The following FNDC3B variants were observed in gnomAD, a reference collection of about 807,000 sequenced individuals.
The protein encoded by FNDC3B is fibronectin type III domain-containing protein 3B.
Under a neutral mutation model 151.5 loss-of-function variants are expected in FNDC3B, and 12 were observed. The ratio of observed to expected loss-of-function variants is 0.08; its 90% confidence interval spans 0.05 to 0.13. The LOEUF (loss-of-function observed/expected upper bound fraction) is 0.13, where lower values mean the gene tolerates loss of function less well. Ranked by LOEUF, FNDC3B falls within the 10% of genes least tolerant of loss-of-function variation. FNDC3B has a pLI of 1.00. For missense variants in FNDC3B, 1,214 were observed against 1,505.3 expected (o/e 0.81, Z 3.20); for synonymous variants, 528 against 549.0 (o/e 0.96, Z 0.54).
chr3:172,313,693 C>T (rs560425002), intron 11 of FNDC3B, among the ~76,000 whole-genome samples: 13 of 152,294 alleles, frequency 8.5e-5, no homozygotes, highest in Non-Finnish European at 1.5e-4. Flanking sequence ...CCATATGCTT[C>T]TCAAATTGTT....
intron 1 of FNDC3B, among the ~76,000 whole-genome samples, chr3:172,057,487 A>G (rs1012178164): frequency 2.0e-5 from 3 of 152,156 alleles, no homozygotes; most frequent in African/African-American, 7.2e-5. Context: ...AACCTCACCA[A>G]CTTCTTGTAA....
chr3:172,336,922 AC>A (rs1024759850), intron 15 of FNDC3B, among the ~76,000 whole-genome samples: 1 of 151,888 alleles, frequency 6.6e-6, no homozygotes, highest in Non-Finnish European at 1.5e-5. Context: ...AAAAAAAAAA[AC>A]AAAAGAATCT....
rs940738536 is a variant in FNDC3B, at chr3:172,289,246, T to C, written c.849+3262T>C. Among the ~76,000 whole-genome samples, 9 of 152,134 alleles carry C rather than the reference T, an allele frequency of 5.9e-5. 1 individual carries two copies. The South Asian group carries it at 1.9e-3, about 31-fold the overall frequency. ...TTGTCTGCAAAGTCAGCAGCCATAT[T>C]CCCCCAGCTTCTGCTTCCATTCTCA... On this transcript the variant is annotated intron_variant, in intron 7 of 25. Transcript: ENST00000415807.
chr3:172,088,926 T>C (rs921235703), intron 1 of FNDC3B, among the ~76,000 whole-genome samples: 2 of 152,234 alleles, frequency 1.3e-5, no homozygotes, highest in Non-Finnish European at 2.9e-5. Context: ...TTTATTCAAC[T>C]GTAAGATTTT....
intron 25 of FNDC3B, among the ~76,000 whole-genome samples, chr3:172,383,487 A>T (rs1735557242): frequency 6.6e-6 from 1 of 152,194 alleles, no homozygotes; most frequent in Non-Finnish European, 1.5e-5. Flanking sequence ...GTTAAGGGAG[A>T]TGATGCATAG....
chr3:172,216,609 G>A (rs1725988060), intron 3 of FNDC3B, among the ~76,000 whole-genome samples: 1 of 152,212 alleles, frequency 6.6e-6, no homozygotes. Flanking sequence ...GGAGGTTGAG[G>A]CTGCGTTGAG....
At chr3:172,207,468 G>A (rs1017937597) in intron 3 of FNDC3B, among the ~76,000 whole-genome samples, 7 of 152,136 alleles carry the variant, frequency 4.6e-5, no homozygotes, top group Non-Finnish European at 1.0e-4. Flanking sequence ...CTGTGTTTCT[G>A]TTCTGTAGGT....
chr3:172,251,617 C>T (rs1038857092), intron 6 of FNDC3B, 76 bp downstream of exon 6: 2 of 1,346,718 alleles, frequency 1.5e-6, no homozygotes, highest in African/African-American at 2.9e-5. Context: ...ACATCTTTTA[C>T]ATGAGAATAT....
At chr3:172,281,877 A>G (rs974915656) in intron 6 of FNDC3B, among the ~76,000 whole-genome samples, 1 of 152,154 alleles carries the variant, frequency 6.6e-6, no homozygotes, top group African/African-American at 2.4e-5. Context: ...TTCCTTCACA[A>G]TATGGGAGGT....
At chr3:172,335,217 A>G in intron 15 of FNDC3B, 135 bp downstream of exon 15, 1 of 795,020 alleles carries the variant, frequency 1.3e-6, no homozygotes, top group Non-Finnish European at 1.9e-6. Context: ...CATTCGGAAT[A>G]TATGTGTGAG....
chr3:172,249,834 T>C (rs991263375), intron 5 of FNDC3B, among the ~76,000 whole-genome samples: 2 of 152,234 alleles, frequency 1.3e-5, no homozygotes, highest in Non-Finnish European at 2.9e-5. Context: ...TTTAGCTATG[T>C]TAACAGTAAG....
chr3:172,309,464 G>T (rs1033562410), intron 10 of FNDC3B, among the ~76,000 whole-genome samples: 3 of 120,670 alleles, frequency 2.5e-5, no homozygotes, highest in Admixed American at 8.1e-5. Context: ...TCTCATCTTA[G>T]AGATGGGTTC....
chr3:172,117,356 G>A (rs1372637602), intron 2 of FNDC3B, among the ~76,000 whole-genome samples: 2 of 152,100 alleles, frequency 1.3e-5, no homozygotes, highest in African/African-American at 2.4e-5. Context: ...TGATGCCTTT[G>A]TTGACATTTT....
At chr3:172,358,912 A>G (rs2108335690) in intron 22 of FNDC3B, among the ~76,000 whole-genome samples, 1 of 139,976 alleles carries the variant, frequency 7.1e-6, no homozygotes, top group South Asian at 2.3e-4. Flanking sequence ...ATTCCCAAAG[A>G]GGCTACACTG....
chr3:172,143,929 A>G (rs1383056782), intron 3 of FNDC3B, among the ~76,000 whole-genome samples: 1 of 147,130 alleles, frequency 6.8e-6, no homozygotes, highest in Non-Finnish European at 1.5e-5. Flanking sequence ...ATAAATAAAT[A>G]AATAAATAAA....
intron 25 of FNDC3B, among the ~76,000 whole-genome samples, chr3:172,395,802 C>G (rs9290449): frequency 0.09 from 13,732 of 152,224 alleles, 705 homozygotes; most frequent in Middle Eastern, 0.17. Flanking sequence ...GAAGAAGGTA[C>G]ATGAACAACC....
intron 17 of FNDC3B, among the ~76,000 whole-genome samples, chr3:172,341,820 C>G (rs923408980): frequency 1.3e-5 from 2 of 152,192 alleles, no homozygotes; most frequent in Non-Finnish European, 2.9e-5. Flanking sequence ...TTAGACTAAC[C>G]TGTTAACATG....
chr3:172,167,423 A>G (rs1384682017), intron 3 of FNDC3B, among the ~76,000 whole-genome samples: 3 of 152,318 alleles, frequency 2.0e-5, no homozygotes, highest in South Asian at 2.1e-4. Flanking sequence ...AGAGGGTTGC[A>G]GTTTCACTGG....
chr3:172,379,170 C>G (rs945404731), intron 24 of FNDC3B, among the ~76,000 whole-genome samples: 3 of 152,210 alleles, frequency 2.0e-5, no homozygotes, highest in Non-Finnish European at 2.9e-5. Flanking sequence ...CCATAGCATG[C>G]TCAGCCTGTC....
Sources: allele counts gnomAD v4.1 joint callset (sites outside exome capture counted in the v4.1 genomes callset), GRCh38; gene constraint gnomAD v4.1.1; transcripts MANE v1.5; gene names NCBI Gene and HGNC (gene_info 2026-07-23, HGNC 2026-07-21).